Variants in TYRO3 observed in about 807,000 individuals in gnomAD.
TYRO3 encodes TYRO3 protein tyrosine kinase.
A neutral mutation model predicts 95.2 loss-of-function variants in TYRO3; 38 were observed. The observed-to-expected ratio is 0.40, with a 90% CI of 0.31 to 0.52. The LOEUF (loss-of-function observed/expected upper bound fraction) is 0.52, where lower values mean the gene tolerates loss of function less well. TYRO3 is among the 20% of genes least tolerant of loss of function. The probability of loss-of-function intolerance (pLI) is 0.56; values close to 1 mark genes in which losing one functional copy is unlikely to be tolerated. For synonymous variants in TYRO3, 367 were observed against 432.9 expected (o/e 0.85, Z 1.89); for missense variants, 812 against 1,116.4 (o/e 0.73, Z 3.89).
intron 3 of TYRO3, 107 bp downstream of exon 3, chr15:41,561,746 C>T: frequency 2.6e-6 from 2 of 782,698 alleles, no homozygotes; most frequent in Non-Finnish European, 4.0e-6. Flanking sequence ...TGCCCCACTG[C>T]TCTGTGGGGC....
chr15:41,577,882 C>T lies in TYRO3; in HGVS notation c.2283-4C>T. The T allele has an allele frequency of 1.7e-6, 2 of 1,183,048 alleles. No homozygotes were observed. The highest frequency in any genetic ancestry group is 1.3e-5 in the South Asian group (1 of 75,614). 73.3% of individuals were successfully genotyped at this position (1,183,048 alleles called of 1,614,324 possible). Reference sequence around the variant, plus strand: ...GCCTTTTCTCACGCTTCTCTCCACCCCAGGTATGATCTCATGTACCAGTGC... The same window carrying T: ...GCCTTTTCTCACGCTTCTCTCCACCTCAGGTATGATCTCATGTACCAGTGC... On this transcript the variant is annotated splice_polypyrimidine_tract_variant and splice_region_variant and intron_variant, in intron 18 of 18. Coordinates refer to ENST00000263798, the MANE Select transcript of TYRO3 (RefSeq NM_006293.4).
At chr15:41,571,170 G>A in intron 13 of TYRO3, 52 bp downstream of exon 13, 3 of 1,559,214 alleles carry the variant, frequency 1.9e-6, no homozygotes, top group Non-Finnish European at 2.7e-6. Flanking sequence ...GGGTAAGAGG[G>A]GCGACTGACC....
intron 3 of TYRO3, 100 bp from the exon 4 acceptor site, chr15:41,562,447 AC>A (rs1430662209): frequency 8.3e-7 from 1 of 1,198,154 alleles, no homozygotes; most frequent in Non-Finnish European, 1.1e-6. Flanking sequence ...GCCTGTGGGA[AC>A]CTTCTGCGTG....
At position 41,561,571 on chromosome 15, in the gene TYRO3, G is replaced by T. The variant is rs1432142412; in HGVS notation, c.341G>T (p.Arg114Leu). 3.1e-6 allele frequency: 5 copies of T among 1,594,180 alleles called. No individual in the cohort carries two copies. The South Asian group carries it at 3.4e-5, about 11-fold the overall frequency. The change falls in exon 3 of 19, where the codon CGG (arginine) becomes CTG (leucine). Residue 114 changes from arginine to leucine, a missense_variant. By Grantham distance (102) the Arg-to-Leu change is moderately radical. Coordinates refer to ENST00000263798, the MANE Select transcript of TYRO3 (RefSeq NM_006293.4). ...LKSVERSDAG[R>L]YWCQVEDGGE... ...TCAGTGGAGCGCTCTGACGCCGGCC[G>T]GTACTGGTGCCAGGTGGAGGATGGG...
At position 41,560,153 on chromosome 15, in the gene TYRO3, C is replaced by G. The variant is rs532220741; in HGVS notation, c.124+772C>G. 2.0e-5 allele frequency among the ~76,000 whole-genome samples: 3 copies of G among 152,306 alleles called. No homozygotes were observed. The East Asian group carries it at 5.8e-4, about 29-fold the overall frequency. On this transcript the variant is annotated intron_variant, in intron 1 of 18. Transcript: ENST00000263798. ...GGCCAGGACAGCGGCCACCCGCTGGCATCTTCTCTTGAGACAGCATTCCTT... is the reference window on the plus strand; with the variant it reads ...GGCCAGGACAGCGGCCACCCGCTGGGATCTTCTCTTGAGACAGCATTCCTT...
At chr15:41,573,862 G>C (rs2055832012) in intron 18 of TYRO3, 47 bp downstream of exon 18, 1 of 1,367,962 alleles carries the variant, frequency 7.3e-7, no homozygotes, top group African/African-American at 1.6e-5. Context: ...GGAATCTGGA[G>C]TTTTGGCTGA....
intron 11 of TYRO3, 48 bp from the exon 12 acceptor site, chr15:41,570,556 G>T: frequency 7.0e-7 from 1 of 1,427,488 alleles, no homozygotes; most frequent in Non-Finnish European, 9.6e-7. Flanking sequence ...GCTGGGTTTT[G>T]GCTCAGGAAT....
intron 18 of TYRO3, among the ~76,000 whole-genome samples, chr15:41,576,641 T>A (rs2055863540): frequency 7.1e-6 from 1 of 141,658 alleles, no homozygotes; most frequent in Non-Finnish European, 1.5e-5. Context: ...ATTCAGTAGG[T>A]TTCCTTTTTT....
rs1203632170 is a variant in TYRO3, at chr15:41,567,549, A to G, written c.961+12A>G. 3.4e-6 allele frequency: 5 copies of G among 1,460,786 alleles called. No individual in the cohort carries two copies. Among genetic ancestry groups the G allele is most frequent in the Non-Finnish European group, 4.6e-6 (5 of 1,095,494 alleles). 90.5% of individuals were successfully genotyped at this position (1,460,786 alleles called of 1,614,324 possible). ...GACCAAGGGTCTAGGTAAGGGATGC[A>G]TAGAGCAGAGCGGGTGGGCAGGGCT... On this transcript the variant is annotated intron_variant, in intron 7 of 18. Transcript: ENST00000263798.
intron 18 of TYRO3, 84 bp downstream of exon 18, chr15:41,573,899 G>A: frequency 7.7e-7 from 1 of 1,298,584 alleles, no homozygotes; most frequent in Non-Finnish European, 1.0e-6. Context: ...TGCCTCAACT[G>A]GACCTTTGTT....
intron 12 of TYRO3, 95 bp downstream of exon 12, chr15:41,570,794 G>T (rs2055786244): frequency 7.9e-7 from 1 of 1,265,362 alleles, no homozygotes; most frequent in East Asian, 2.3e-5. Flanking sequence ...GTTTGGGTCG[G>T]TTGCCGTAAA....
chr15:41,567,686 A>G (rs576673151), intron 7 of TYRO3, 149 bp downstream of exon 7: 4 of 639,916 alleles, frequency 6.3e-6, no homozygotes, highest in South Asian at 9.8e-5. Flanking sequence ...ACCACCTTGT[A>G]AGTAGTTCTT....
rs1177845917 is a variant in TYRO3 at position 41,570,306 on chromosome 15, C to A, written c.1449C>A (p.Phe483Leu). 7 of 1,614,010 alleles carry A rather than the reference C, an allele frequency of 4.3e-6. No individual in the cohort carries two copies. In the African/African-American group the frequency reaches 9.3e-5, roughly 22 times the overall value. The part of the protein sequence containing the change: ...PAVHFRAARS[F>L]NRERPERIEA... ...TTCACTTCCGGGCAGCCCGGTCCTT[C>A]AATCGAGAAAGGCCCGAGCGCATCG... The change falls in exon 11 of 19, where the codon TTC (phenylalanine) becomes TTA (leucine). Residue 483 changes from phenylalanine (F) to leucine (L), a missense_variant. Phe to Leu is a conservative substitution (Grantham distance 22, BLOSUM62 0). Transcript: ENST00000263798.
chr15:41,573,961 A>C, intron 18 of TYRO3, 146 bp downstream of exon 18: 1 of 853,464 alleles, frequency 1.2e-6, no homozygotes, highest in Non-Finnish European at 1.8e-6. Context: ...CCTCATACTC[A>C]CTGTTCATCT....
In TYRO3 at chr15:41,562,733, A is replaced by G. The variant is rs372293809; in HGVS notation, c.580+15A>G. The G allele has an allele frequency of 6.1e-5, 97 of 1,600,498 alleles. No homozygotes were observed. Among genetic ancestry groups the G allele is most frequent in the Non-Finnish European group, 7.9e-5 (93 of 1,172,962 alleles). On this transcript the variant is annotated intron_variant, in intron 4 of 18. Coordinates refer to ENST00000263798, the MANE Select transcript of TYRO3 (RefSeq NM_006293.4). ...AAATGTAACAGGTGAGCAGCCTCAG[A>G]AGGGGGCTGGGAGTGGAGAAGGAGC...
chr15:41,571,199 T>C, intron 13 of TYRO3, 81 bp downstream of exon 13: 1 of 1,377,464 alleles, frequency 7.3e-7, no homozygotes, highest in Non-Finnish European at 1.0e-6. Context: ...GGCTCTGCTT[T>C]GCCCCTAGAT....
intron 13 of TYRO3, 76 bp from the exon 14 acceptor site, chr15:41,571,519 C>T (rs2055795109): frequency 2.0e-6 from 2 of 1,022,136 alleles, no homozygotes; most frequent in African/African-American, 1.6e-5. Flanking sequence ...ATCTGAAGGA[C>T]AAGACCTAGG....
chr15:41,562,678 C>T lies in TYRO3; in HGVS notation c.540C>T (p.Ile180=), dbSNP rs766168450. The T allele has an allele frequency of 5.6e-6, 9 of 1,614,020 alleles. No homozygotes were observed. In the South Asian group the frequency reaches 6.6e-5, roughly 12 times the overall value. ...TIVWWRGTTK[I]GGPAPSPSVL... is the part of the protein sequence containing the mutation. ...TCTGGTGGAGAGGAACTACGAAGAT[C>T]GGGGGACCCGCTCCCTCTCCATCTG... Residue 180 remains isoleucine, a synonymous_variant, in exon 4 of 19, where the codon ATC becomes ATT. Transcript: ENST00000263798.
chr15:41,578,575 T>A lies in TYRO3; in HGVS notation c.*299T>A, dbSNP rs1025897304. On this transcript the variant is annotated 3_prime_UTR_variant, in exon 19 of 19. Coordinates refer to ENST00000263798, the MANE Select transcript of TYRO3 (RefSeq NM_006293.4). ...GGTGGTTATGTTTCCATGGTTACCA[T>A]GGGTGTGGATGGCAGTGTGGGGAGG... 34 of 452,624 alleles carry A rather than the reference T, an allele frequency of 7.5e-5. No individual in the cohort carries two copies. The highest frequency in any genetic ancestry group is 1.2e-4 in the Non-Finnish European group (30 of 252,282). The allele number at this position is 452,624 out of a possible 1,614,324, so 28.0% of individuals were successfully genotyped here.
Sources: gnomAD v4.1 joint callset for allele counts (sites outside exome capture counted in the v4.1 genomes callset) on GRCh38, gnomAD v4.1.1 for gene constraint, MANE v1.5 for transcripts, NCBI Gene and HGNC (gene_info 2026-07-23, HGNC 2026-07-21) for gene names.